TFDP2: variants seen among roughly 807,000 people sequenced by gnomAD.
The protein encoded by TFDP2 is transcription factor Dp-2.
TFDP2 carries 17 observed loss-of-function variants against 59.3 expected under a neutral mutation model. The ratio of observed to expected loss-of-function variants is 0.29; its 90% CI spans 0.20 to 0.43. The LOEUF is 0.43. TFDP2 is among the 20% of genes least tolerant of loss of function. The pLI, the probability that TFDP2 is intolerant of heterozygous loss-of-function variation, is 1.00. For synonymous variants in TFDP2, 180 were observed against 194.7 expected, an observed-to-expected ratio of 0.92 and a Z score of 0.63; for missense variants, 391 against 528.8, an observed-to-expected ratio of 0.74 and a Z score of 2.56.
chr3:141,953,567 C>G (rs976228111), intron 11 of TFDP2, among the ~76,000 whole-genome samples: 1 of 152,138 alleles, frequency 6.6e-6, no homozygotes, highest in African/African-American at 2.4e-5. Context: ...AATATCTATT[C>G]TTTTTCCTGA....
intron 3 of TFDP2, among the ~76,000 whole-genome samples, chr3:142,005,802 C>T (rs2861422): frequency 0.29 from 44,224 of 152,016 alleles, 6,721 homozygotes; most frequent in African/African-American, 0.39. Flanking sequence ...TTCCAATTAT[C>T]TGACAATTAA....
At chr3:142,140,019 T>C (rs1040052901) in intron 1 of TFDP2, among the ~76,000 whole-genome samples, 7 of 152,234 alleles carry the variant, frequency 4.6e-5, no homozygotes, top group Admixed American at 6.5e-5. Context: ...AACACAGATT[T>C]GGTCTTTTCA....
At position 142,105,968 on chromosome 3, in the gene TFDP2, G is replaced by C. The variant is rs2061457428; in HGVS notation, c.-92-4127C>G. 2.0e-5 allele frequency among the ~76,000 whole-genome samples: 3 copies of C among 151,690 alleles called. No individual in the cohort carries two copies. The South Asian group carries it at 6.3e-4, about 32-fold the overall frequency. On this transcript the variant is annotated intron_variant, in intron 1 of 12. Transcript: ENST00000489671. ...AGTTAAGCATTCAATGTTAGAGGGG[G>C]GAAAAAAATCTGTTCATTGATTTCT...
rs2107909285 is a variant in TFDP2, at chr3:141,963,850, G to A, written c.846C>T (p.Ser282=). Residue 282 remains serine, a synonymous_variant, in exon 10 of 13, where the codon AGC becomes AGT. Transcript: ENST00000489671. ...TGCTGCAATCTATGACTGTTTTTCT[G>A]CTTGTATTGATGATTATGAATGGCA... ...IQLPFIIINT[S]RKTVIDCSIS... The A allele has an allele frequency of 6.2e-7, 1 of 1,613,476 alleles. No individual in the cohort carries two copies. Among genetic ancestry groups the A allele is most frequent in the South Asian group, 1.1e-5 (1 of 90,996 alleles).
chr3:141,973,133 T>TC, intron 8 of TFDP2, among the ~76,000 whole-genome samples: 1 of 136,476 alleles, frequency 7.3e-6, no homozygotes, highest in Non-Finnish European at 1.6e-5. Flanking sequence ...ATTTTTTTTT[T>TC]TTAAAGATGG....
rs1409842756 is a variant in TFDP2 at position 141,979,183 on chromosome 3, G to A, written c.357-501C>T. Among the ~76,000 whole-genome samples, 11 of 152,266 alleles carry A rather than the reference G, an allele frequency of 7.2e-5. No individual in the cohort carries two copies. The East Asian group carries it at 1.4e-3, about 19-fold the overall frequency. ...CTCATTGCCTAGTGATGTAACCATCGTAATGGTTAATGTGAGTAATAATGC... is the reference window on the plus strand; with the variant it reads ...CTCATTGCCTAGTGATGTAACCATCATAATGGTTAATGTGAGTAATAATGC... On this transcript the variant is annotated intron_variant, in intron 6 of 12. Transcript: ENST00000489671.
intron 3 of TFDP2, among the ~76,000 whole-genome samples, chr3:142,088,068 G>A (rs535100802): frequency 6.6e-6 from 1 of 152,136 alleles, no homozygotes; most frequent in Non-Finnish European, 1.5e-5. Context: ...TTCCTCACCA[G>A]AATGTAAGCT....
chr3:142,006,361 G>A (rs1234037881), intron 3 of TFDP2, among the ~76,000 whole-genome samples: 2 of 152,062 alleles, frequency 1.3e-5, no homozygotes, highest in Non-Finnish European at 2.9e-5. Flanking sequence ...AAACCCTGGG[G>A]ACAAGCAACA....
chr3:142,070,859 C>T (rs1264593992), intron 3 of TFDP2, among the ~76,000 whole-genome samples: 1 of 152,088 alleles, frequency 6.6e-6, no homozygotes, highest in Non-Finnish European at 1.5e-5. Context: ...TTTTAATCTT[C>T]TTTCCATTTA....
Position 141,963,923 on chromosome 3 carries a change from T to A in TFDP2, c.773A>T (p.Asn258Ile). 4 of 1,613,806 alleles carry A rather than the reference T, an allele frequency of 2.5e-6. No individual in the cohort carries two copies. The highest frequency in any genetic ancestry group is 3.4e-6 in the Non-Finnish European group (4 of 1,179,950). The change falls in exon 10 of 13, where the codon AAT (asparagine) becomes ATT (isoleucine). Residue 258 changes from asparagine (N) to isoleucine (I), a missense_variant. Asn to Ile is a moderately radical substitution (Grantham distance 149). Coordinates refer to ENST00000489671, the MANE Select transcript of TFDP2 (RefSeq NM_001178139.2). ...CGGCGGGCCCTGGTTTTGCTGCTCA[T>A]TTTGTCGATTTCTCTGTACCAGGTT... ...FKNLVQRNRQ[N>I]EQQNQGPPAL...
chr3:142,043,490 A>G (rs1947131091), intron 3 of TFDP2: 2 of 455,254 alleles, frequency 4.4e-6, no homozygotes, highest in Non-Finnish European at 8.1e-6. Context: ...CAGCCTCCCA[A>G]GTAGCTGGGA....
chr3:142,123,184 G>C (rs2062111546), intron 1 of TFDP2, among the ~76,000 whole-genome samples: 1 of 152,176 alleles, frequency 6.6e-6, no homozygotes, highest in African/African-American at 2.4e-5. Flanking sequence ...GCCCAGGCTG[G>C]AGTACAGCGG....
intron 1 of TFDP2, among the ~76,000 whole-genome samples, chr3:142,142,587 G>A (rs748312051): frequency 6.6e-6 from 1 of 152,160 alleles, no homozygotes; most frequent in Non-Finnish European, 1.5e-5. Flanking sequence ...ATGCTTCACA[G>A]AAATAGAAAA....
chr3:142,037,414 C>A (rs939548436), intron 3 of TFDP2, among the ~76,000 whole-genome samples: 1 of 152,118 alleles, frequency 6.6e-6, no homozygotes, highest in Non-Finnish European at 1.5e-5. Flanking sequence ...ACATTGTATG[C>A]TCTTTTATTA....
At chr3:141,985,519 C>CAAAAAAAAAAAAAAAAAAAAAAAAAAA (rs61684289) in intron 6 of TFDP2, among the ~76,000 whole-genome samples, 1 of 74,428 alleles carries the variant, frequency 1.3e-5, no homozygotes, top group Non-Finnish European at 2.5e-5. Flanking sequence ...GACGCTGTCT[C>CAAAAAAAAAAAAAAAAAAAAAAAAAAA]AAAAAAAAAA....
At chr3:142,051,801 C>T (rs1379535849) in intron 3 of TFDP2, among the ~76,000 whole-genome samples, 1 of 152,078 alleles carries the variant, frequency 6.6e-6, no homozygotes, top group African/African-American at 2.4e-5. Context: ...ATAAACCTTT[C>T]CTCTCATTCC....
At position 141,974,132 on chromosome 3, in the gene TFDP2, T is replaced by G; in HGVS notation, c.579A>C (p.Ala193=). 1 of 1,613,366 alleles carries G rather than the reference T, an allele frequency of 6.2e-7. No homozygotes were observed. ...RVYDALNVLM[A]MNIISKEKKE... ...TTTTTTCCTTTGAAATTATGTTCAT[T>G]GCCATTAGCACATTTAAAGCATCAT... The change falls in exon 8 of 13, where the codon GCA becomes GCC. Residue 193 remains alanine (A), a synonymous_variant. Coordinates refer to ENST00000489671, the MANE Select transcript of TFDP2 (RefSeq NM_001178139.2).
At chr3:142,045,489 A>C (rs1365378309) in intron 3 of TFDP2, among the ~76,000 whole-genome samples, 2 of 151,994 alleles carry the variant, frequency 1.3e-5, no homozygotes, top group Admixed American at 6.5e-5. Context: ...AATAAATCCC[A>C]CGATGCCTTT....
At chr3:142,052,003 G>A (rs1411205835) in intron 3 of TFDP2, among the ~76,000 whole-genome samples, 1 of 152,058 alleles carries the variant, frequency 6.6e-6, no homozygotes, top group Non-Finnish European at 1.5e-5. Flanking sequence ...GCACATGTCT[G>A]TAGTCCCAGC....
Sources: allele counts gnomAD v4.1 joint callset (sites outside exome capture counted in the v4.1 genomes callset), GRCh38; gene constraint gnomAD v4.1.1; transcripts MANE v1.5; gene names NCBI Gene and HGNC (gene_info 2026-07-23, HGNC 2026-07-21).